Variants in UNC79 observed in about 807,000 individuals in gnomAD.
UNC79 encodes unc-79 subunit of NALCN channel complex, also known as protein unc-79 homolog.
A neutral mutation model predicts 283.1 loss-of-function variants in UNC79; 37 were observed. The observed-to-expected ratio is 0.13, with a 90% confidence interval of 0.10 to 0.17. The LOEUF (loss-of-function observed/expected upper bound fraction) is 0.17, where lower values mean the gene tolerates loss of function less well. UNC79 is among the 10% of genes least tolerant of loss of function. The probability of loss-of-function intolerance (pLI) is 1.00; values close to 1 mark genes in which losing one functional copy is unlikely to be tolerated. For missense variants in UNC79, 2,272 were observed against 3,211.1 expected (o/e 0.71, Z 7.07); for synonymous variants, 1,107 against 1,200.2 (o/e 0.92, Z 1.61).
chr14:93,558,572 T>A (rs1161368152), intron 14 of UNC79, among the ~76,000 whole-genome samples: 1 of 121,194 alleles, frequency 8.3e-6, no homozygotes, highest in African/African-American at 3.2e-5. Context: ...AAAAAAAATC[T>A]TGTAGAGGAG....
intron 14 of UNC79, among the ~76,000 whole-genome samples, chr14:93,551,144 G>T (rs552344225): frequency 1.0e-3 from 157 of 152,258 alleles, no homozygotes; most frequent in Admixed American, 2.7e-3. Context: ...CCGCCTCCCG[G>T]GTTCATGCCA....
At chr14:93,541,823 G>T (rs528378849) in intron 13 of UNC79, among the ~76,000 whole-genome samples, 1 of 152,056 alleles carries the variant, frequency 6.6e-6, no homozygotes, top group Non-Finnish European at 1.5e-5. Context: ...GGCTAACACA[G>T]TGAAACCCTG....
intron 39 of UNC79, among the ~76,000 whole-genome samples, chr14:93,660,520 C>CATATAT (rs57703735): frequency 6.7e-3 from 325 of 48,622 alleles, no homozygotes; most frequent in Middle Eastern, 0.054. Context: ...AAGACAATAG[C>CATATAT]ATATATATAT....
intron 1 of UNC79, among the ~76,000 whole-genome samples, chr14:93,465,164 C>A (rs773620289): frequency 1.5e-4 from 23 of 151,954 alleles, no homozygotes; most frequent in Non-Finnish European, 2.5e-4. Context: ...TGAGTACCTA[C>A]TAGGTGTCTG....
At chr14:93,539,001 C>G (rs1203589514) in intron 12 of UNC79, among the ~76,000 whole-genome samples, 1 of 151,444 alleles carries the variant, frequency 6.6e-6, no homozygotes, top group African/African-American at 2.4e-5. Context: ...CTCCTGGGTT[C>G]AAGCGATTCT....
intron 1 of UNC79, among the ~76,000 whole-genome samples, chr14:93,405,731 T>G (rs537981894): frequency 6.6e-6 from 1 of 152,314 alleles, no homozygotes; most frequent in African/African-American, 2.4e-5. Context: ...ACAAAAATAT[T>G]CAGAATCAAA....
intron 20 of UNC79, among the ~76,000 whole-genome samples, chr14:93,584,761 A>G (rs1249271351): frequency 2.0e-5 from 3 of 150,838 alleles, no homozygotes; most frequent in African/African-American, 7.3e-5. Flanking sequence ...CAGTGGTGTG[A>G]TCTCGGCTCA....
intron 5 of UNC79, among the ~76,000 whole-genome samples, chr14:93,495,823 A>T (rs2058991439): frequency 1.3e-5 from 2 of 152,240 alleles, no homozygotes; most frequent in Admixed American, 1.3e-4. Context: ...TTGTTCCCCA[A>T]GTGAAGATAG....
chr14:93,602,957 A>G (rs1052707311), intron 25 of UNC79, among the ~76,000 whole-genome samples: 1 of 152,144 alleles, frequency 6.6e-6, no homozygotes, highest in Admixed American at 6.5e-5. Flanking sequence ...TTAGTTATTA[A>G]TCAGTTACCT....
At chr14:93,372,762 G>C (rs542934862) in intron 1 of UNC79, among the ~76,000 whole-genome samples, 1 of 152,260 alleles carries the variant, frequency 6.6e-6, no homozygotes, top group African/African-American at 2.4e-5. Context: ...GATCCAGCAG[G>C]TAAAAAATCA....
At chr14:93,520,871 C>T (rs1387138091) in intron 7 of UNC79, among the ~76,000 whole-genome samples, 2 of 152,052 alleles carry the variant, frequency 1.3e-5, no homozygotes. Flanking sequence ...TACTTCATCT[C>T]CACAGTTTCT....
intron 14 of UNC79, among the ~76,000 whole-genome samples, chr14:93,561,300 G>T (rs2062534520): frequency 6.6e-6 from 1 of 152,170 alleles, no homozygotes; most frequent in Non-Finnish European, 1.5e-5. Flanking sequence ...AATATGGGGG[G>T]AGTAGAGTTG....
chr14:93,680,452 C>A (rs1050189757), intron 41 of UNC79, among the ~76,000 whole-genome samples: 1 of 152,160 alleles, frequency 6.6e-6, no homozygotes. Flanking sequence ...CTCTGTCTCC[C>A]CTGTGGCCTC....
chr14:93,705,902 G>C (rs1203341498), intron 48 of UNC79, among the ~76,000 whole-genome samples: 1 of 152,204 alleles, frequency 6.6e-6, no homozygotes, highest in African/African-American at 2.4e-5. Context: ...AAATGCGGCT[G>C]TCAACAATGA....
intron 42 of UNC79, among the ~76,000 whole-genome samples, chr14:93,685,571 GAT>G (rs1193535297): frequency 5.3e-5 from 8 of 152,348 alleles, no homozygotes; most frequent in African/African-American, 1.9e-4. Context: ...GAGAGAAGGT[GAT>G]ATAGTTCAGT....
chr14:93,530,725 T>G (rs144765401), intron 10 of UNC79, among the ~76,000 whole-genome samples: 6 of 152,030 alleles, frequency 3.9e-5, no homozygotes, highest in Admixed American at 3.9e-4. Flanking sequence ...CTGGCTAACA[T>G]GGTGAAACCC....
At chr14:93,382,820 C>T (rs1254960198) in intron 1 of UNC79, among the ~76,000 whole-genome samples, 1 of 152,104 alleles carries the variant, frequency 6.6e-6, no homozygotes, top group Non-Finnish European at 1.5e-5. Context: ...ACCACTGCCG[C>T]ATCAATATTA....
At chr14:93,487,282 T>A (rs2058492527) in intron 4 of UNC79, among the ~76,000 whole-genome samples, 1 of 152,224 alleles carries the variant, frequency 6.6e-6, no homozygotes, top group Non-Finnish European at 1.5e-5. Context: ...CTTTCCTTTT[T>A]ATTTTCTCAT....
chr14:93,597,575 G>A (rs1413773862), intron 24 of UNC79, 35 bp downstream of exon 24: 3 of 1,591,780 alleles, frequency 1.9e-6, no homozygotes, highest in Non-Finnish European at 2.6e-6. Context: ...CTCCGAAGGT[G>A]GTTTGTGTCA....
Sources: allele counts gnomAD v4.1 joint callset (sites outside exome capture counted in the v4.1 genomes callset), GRCh38; gene constraint gnomAD v4.1.1; transcripts MANE v1.5; gene names NCBI Gene and HGNC (gene_info 2026-07-23, HGNC 2026-07-21).